Variants in GRM7 observed in about 807,000 individuals in gnomAD.
GRM7 encodes the protein metabotropic glutamate receptor 7.
In GRM7, 35 loss-of-function variants were observed where a neutral mutation model predicts 84.5. The observed-to-expected ratio is 0.41, with a 90% confidence interval of 0.32 to 0.55. GRM7 has a LOEUF of 0.55. GRM7 is among the 20% of genes least tolerant of loss of function. The pLI is 0.19. For missense variants in GRM7, 1,003 were observed against 1,194.6 expected (o/e 0.84, Z 2.36); for synonymous variants, 487 against 455.1 (o/e 1.07, Z -0.89).
At chr3:7,228,468 A>G (rs1312314213) in intron 2 of GRM7, among the ~76,000 whole-genome samples, 3 of 152,238 alleles carry the variant, frequency 2.0e-5, no homozygotes, top group African/African-American at 4.8e-5. Context: ...CAGAAATCCA[A>G]GAAGACGCTC....
At chr3:7,058,329 T>C (rs2124965602) in intron 1 of GRM7, among the ~76,000 whole-genome samples, 1 of 152,088 alleles carries the variant, frequency 6.6e-6, no homozygotes, top group East Asian at 1.9e-4. Flanking sequence ...AAATTGAAAG[T>C]ATTTAACACA....
intron 7 of GRM7, among the ~76,000 whole-genome samples, chr3:7,554,410 G>C (rs1039869713): frequency 1.3e-5 from 2 of 152,126 alleles, no homozygotes; most frequent in Non-Finnish European, 2.9e-5. Flanking sequence ...TGCTATGGTG[G>C]TAGATGAAAC....
In GRM7 at chr3:7,670,108, G is replaced by T. The variant is rs938660685; in HGVS notation, c.2452-9941G>T. Among the ~76,000 whole-genome samples the T allele has an allele frequency of 9.2e-5, 14 of 152,180 alleles. 1 individual carries two copies. Among genetic ancestry groups the T allele is most frequent in the Admixed American group, 9.2e-4 (14 of 15,280 alleles). On this transcript the variant is annotated intron_variant, in intron 8 of 9. Coordinates refer to ENST00000357716, the MANE Select transcript of GRM7 (RefSeq NM_000844.4). ...CGGCACATTACCTAGATGTGCTTCAGTGTGCCAGGCGCTCAGGGTGGAGAA... is the reference window on the plus strand; with the variant it reads ...CGGCACATTACCTAGATGTGCTTCATTGTGCCAGGCGCTCAGGGTGGAGAA...
chr3:7,235,993 G>C (rs1284596484), intron 2 of GRM7, among the ~76,000 whole-genome samples: 2 of 152,134 alleles, frequency 1.3e-5, no homozygotes, highest in Non-Finnish European at 2.9e-5. Flanking sequence ...GGAGGTCCAG[G>C]ATCAAGGTCC....
chr3:7,461,435 G>T (rs986324231), intron 6 of GRM7, 148 bp from the exon 7 acceptor site: 2 of 566,496 alleles, frequency 3.5e-6, no homozygotes, highest in Non-Finnish European at 6.2e-6. Flanking sequence ...CCTATGAATT[G>T]CAGGGGCCGT....
intron 7 of GRM7, among the ~76,000 whole-genome samples, chr3:7,484,429 A>G (rs1038934692): frequency 6.6e-6 from 1 of 152,222 alleles, no homozygotes; most frequent in Non-Finnish European, 1.5e-5. Flanking sequence ...ACTGGATAAT[A>G]TCAATACTGT....
intron 7 of GRM7, among the ~76,000 whole-genome samples, chr3:7,570,079 G>T (rs545710386): frequency 6.6e-6 from 1 of 151,874 alleles, no homozygotes; most frequent in Admixed American, 6.6e-5. Flanking sequence ...GGAAAGAACC[G>T]CCCCCATAAT....
intron 7 of GRM7, among the ~76,000 whole-genome samples, chr3:7,472,708 T>G (rs908436391): frequency 1.3e-5 from 2 of 152,132 alleles, no homozygotes; most frequent in African/African-American, 4.8e-5. Flanking sequence ...CTGGTCAAAA[T>G]CAGGAGGACA....
intron 5 of GRM7, among the ~76,000 whole-genome samples, chr3:7,422,723 G>A (rs966864663): frequency 6.6e-6 from 1 of 152,044 alleles, no homozygotes; most frequent in Admixed American, 6.6e-5. Flanking sequence ...GAACACAAAG[G>A]TCAGTCCTTT....
chr3:7,425,603 G>A (rs1233533903), intron 5 of GRM7, among the ~76,000 whole-genome samples: 1 of 152,114 alleles, frequency 6.6e-6, no homozygotes, highest in Non-Finnish European at 1.5e-5. Context: ...TGTAAATTGA[G>A]CTACCAAAGT....
chr3:7,213,298 A>G (rs561520445), intron 2 of GRM7, among the ~76,000 whole-genome samples: 8 of 152,326 alleles, frequency 5.3e-5, no homozygotes, highest in South Asian at 4.1e-4. Context: ...AAGATTGATG[A>G]TAATCATGCC....
At chr3:6,963,994 C>A (rs188797663) in intron 1 of GRM7, among the ~76,000 whole-genome samples, 1 of 152,172 alleles carries the variant, frequency 6.6e-6, no homozygotes, top group Non-Finnish European at 1.5e-5. Context: ...CATACAAGAC[C>A]ATCTACATTT....
intron 1 of GRM7, among the ~76,000 whole-genome samples, chr3:7,129,475 T>A (rs1404624847): frequency 2.0e-5 from 3 of 152,232 alleles, no homozygotes; most frequent in Admixed American, 6.5e-5. Context: ...ATTACATTTT[T>A]AAAAAATCAG....
chr3:7,670,965 C>T (rs953054746), intron 8 of GRM7, among the ~76,000 whole-genome samples: 1 of 152,162 alleles, frequency 6.6e-6, no homozygotes, highest in African/African-American at 2.4e-5. Flanking sequence ...TGCTTTTGTA[C>T]ATTAAATCAC....
intron 9 of GRM7, among the ~76,000 whole-genome samples, chr3:7,702,644 A>G (rs1388880454): frequency 6.6e-6 from 1 of 152,246 alleles, no homozygotes; most frequent in African/African-American, 2.4e-5. Flanking sequence ...AGTTATTCTT[A>G]TAAGTACAAT....
At chr3:7,507,234 G>GA (rs1700065980) in intron 7 of GRM7, among the ~76,000 whole-genome samples, 2 of 152,154 alleles carry the variant, frequency 1.3e-5, no homozygotes, top group African/African-American at 4.8e-5. Context: ...AAGAGGCAGG[G>GA]AAAAATCCAG....
intron 7 of GRM7, among the ~76,000 whole-genome samples, chr3:7,523,137 A>G (rs1283927514): frequency 1.3e-5 from 2 of 152,280 alleles, no homozygotes; most frequent in East Asian, 3.9e-4. Context: ...AGGCGGAGCT[A>G]ACAGAGACAT....
At chr3:6,978,340 C>G (rs1013897126) in intron 1 of GRM7, among the ~76,000 whole-genome samples, 1 of 152,048 alleles carries the variant, frequency 6.6e-6, no homozygotes, top group Non-Finnish European at 1.5e-5. Context: ...CCCCCAACAC[C>G]TTGATTATAA....
intron 1 of GRM7, among the ~76,000 whole-genome samples, chr3:7,112,965 A>G (rs1359574880): frequency 6.6e-6 from 1 of 152,178 alleles, no homozygotes; most frequent in East Asian, 1.9e-4. Context: ...GAGTTGGTTC[A>G]GGTTAGACAG....
Sources: allele counts gnomAD v4.1 joint callset (sites outside exome capture counted in the v4.1 genomes callset), GRCh38; gene constraint gnomAD v4.1.1; transcripts MANE v1.5; gene names NCBI Gene and HGNC (gene_info 2026-07-23, HGNC 2026-07-21).